TAFA1: variants seen among roughly 807,000 people sequenced by gnomAD.
The protein encoded by TAFA1 is TAFA chemokine like family member 1, also known as chemokine-like protein TAFA-1.
In TAFA1, 4 loss-of-function variants were observed where a neutral mutation model predicts 18.5. The observed-to-expected ratio is 0.22, with a 90% confidence interval of 0.11 to 0.49. The LOEUF (loss-of-function observed/expected upper bound fraction) is 0.49, where lower values mean the gene tolerates loss of function less well. Ranked by LOEUF, TAFA1 falls within the 20% of genes least tolerant of loss-of-function variation. The pLI, the probability that TAFA1 is intolerant of heterozygous loss-of-function variation, is 0.98. For missense variants in TAFA1, 147 were observed against 169.0 expected (o/e 0.87, Z 0.72); for synonymous variants, 56 against 55.2 (o/e 1.01, Z -0.06).
At chr3:68,428,043 A>G (rs1055891872) in intron 3 of TAFA1, among the ~76,000 whole-genome samples, 7 of 151,992 alleles carry the variant, frequency 4.6e-5, no homozygotes, top group Non-Finnish European at 7.4e-5. Context: ...TAGGACTATG[A>G]AAATGGACTA....
chr3:68,478,925 T>TATAC (rs2072159250), intron 3 of TAFA1, among the ~76,000 whole-genome samples: 1 of 149,126 alleles, frequency 6.7e-6, no homozygotes, highest in Admixed American at 6.7e-5. Context: ...TGTATATATA[T>TATAC]ATATATACAT....
At chr3:68,301,692 G>A (rs949093167) in intron 2 of TAFA1, among the ~76,000 whole-genome samples, 10 of 152,122 alleles carry the variant, frequency 6.6e-5, no homozygotes, top group African/African-American at 2.4e-4. Flanking sequence ...TTAAGATAAT[G>A]AGGTCATAAC....
chr3:68,349,339 A>C (rs1005686129), intron 2 of TAFA1, among the ~76,000 whole-genome samples: 1 of 152,060 alleles, frequency 6.6e-6, no homozygotes, highest in Non-Finnish European at 1.5e-5. Context: ...ATCACAGCAC[A>C]TAAGTCCCCA....
intron 3 of TAFA1, among the ~76,000 whole-genome samples, chr3:68,516,171 G>C (rs1559701518): frequency 6.6e-6 from 1 of 152,152 alleles, no homozygotes; most frequent in African/African-American, 2.4e-5. Context: ...AATATTGTAG[G>C]TTGCTCATCC....
At position 68,077,969 on chromosome 3, in the gene TAFA1, A is replaced by G. The variant is rs570059566; in HGVS notation, c.118+71225A>G. Among the ~76,000 whole-genome samples, 5 of 152,066 alleles carry G rather than the reference A, an allele frequency of 3.3e-5. No homozygotes were observed. The South Asian group carries it at 8.3e-4, about 25-fold the overall frequency. ...ATGGAATCTTCTTCCATTTGTTTGT[A>G]TCCTCTTTTATTTCATTGAGCAGTG... is the stretch of plus-strand genomic sequence containing the variant. On this transcript the variant is annotated intron_variant, in intron 2 of 4. Transcript: ENST00000478136.
At chr3:68,207,895 G>T (rs1176070269) in intron 2 of TAFA1, among the ~76,000 whole-genome samples, 3 of 151,778 alleles carry the variant, frequency 2.0e-5, no homozygotes, top group South Asian at 2.1e-4. Flanking sequence ...AGTAAATAAA[G>T]AACGCTTCCT....
intron 3 of TAFA1, among the ~76,000 whole-genome samples, chr3:68,456,905 C>G (rs2071677270): frequency 6.6e-6 from 1 of 152,170 alleles, no homozygotes. Flanking sequence ...TGAATTTTCT[C>G]TGTTTCCTAG....
At chr3:68,541,586 T>TAA (rs201474420) in intron 4 of TAFA1, among the ~76,000 whole-genome samples, 2 of 145,570 alleles carry the variant, frequency 1.4e-5, no homozygotes, top group African/African-American at 5.0e-5. Context: ...ATCAAAGAGG[T>TAA]AAAAAAAAAA....
At chr3:68,185,625 C>T (rs1384922410) in intron 2 of TAFA1, among the ~76,000 whole-genome samples, 1 of 152,002 alleles carries the variant, frequency 6.6e-6, no homozygotes, top group Non-Finnish European at 1.5e-5. Context: ...TTAAAATGAA[C>T]TATTACAGGT....
chr3:68,311,970 G>C (rs554012200), intron 2 of TAFA1, among the ~76,000 whole-genome samples: 85 of 152,326 alleles, frequency 5.6e-4, no homozygotes, highest in African/African-American at 1.9e-3. Flanking sequence ...CATCTGAAAT[G>C]TAGATGGAGG....
At chr3:68,301,569 G>A (rs888543597) in intron 2 of TAFA1, among the ~76,000 whole-genome samples, 2 of 152,134 alleles carry the variant, frequency 1.3e-5, no homozygotes, top group African/African-American at 2.4e-5. Context: ...GAGTAAAGTG[G>A]CCCCCTGTCT....
At chr3:68,324,377 T>A (rs1165749500) in intron 2 of TAFA1, among the ~76,000 whole-genome samples, 1 of 152,184 alleles carries the variant, frequency 6.6e-6, no homozygotes, top group East Asian at 1.9e-4. Flanking sequence ...CAAAATATGT[T>A]TGAAAATTCT....
chr3:68,382,336 T>C (rs915184923), intron 2 of TAFA1, among the ~76,000 whole-genome samples: 22 of 152,194 alleles, frequency 1.4e-4, no homozygotes, highest in Non-Finnish European at 3.1e-4. Context: ...TTGATTGGAA[T>C]AGTTTCAGAA....
chr3:68,219,360 C>T (rs1203336951), intron 2 of TAFA1, among the ~76,000 whole-genome samples: 2 of 152,104 alleles, frequency 1.3e-5, no homozygotes, highest in Admixed American at 1.3e-4. Context: ...CATTATTGAA[C>T]TGAATATCAA....
intron 2 of TAFA1, among the ~76,000 whole-genome samples, chr3:68,171,168 G>T (rs185306062): frequency 6.6e-6 from 1 of 152,112 alleles, no homozygotes; most frequent in African/African-American, 2.4e-5. Flanking sequence ...AATCACAAAG[G>T]TTCTTTAAAT....
chr3:68,417,419 T>A lies in TAFA1; in HGVS notation c.258T>A (p.Asp86Glu). The A allele has an allele frequency of 1.2e-6, 2 of 1,613,554 alleles. No individual in the cohort carries two copies. The highest frequency in any genetic ancestry group is 1.7e-6 in the Non-Finnish European group (2 of 1,179,626). Reference sequence around the variant, plus strand: ...CAAGAAACCGGCCTTCTTGCGTCGATGGTAGGTACCTGGTTTTACCTCTTG... The same window carrying A: ...CAAGAAACCGGCCTTCTTGCGTCGAAGGTAGGTACCTGGTTTTACCTCTTG... ...GTTRNRPSCV[D>E]ASIVIGKWWC... Residue 86 changes from aspartate (D) to glutamate (E), a missense_variant and splice_region_variant, in exon 3 of 5, where the codon GAT becomes GAA. Transcript: ENST00000478136.
chr3:67,994,830 T>C, the TAFA1 span, among the ~76,000 whole-genome samples: 4 of 152,332 alleles, frequency 2.6e-5, no homozygotes, highest in African/African-American at 4.8e-5. Context: ...TGGCCCAAAC[T>C]GACTTTTGTT....
intron 2 of TAFA1, among the ~76,000 whole-genome samples, chr3:68,242,707 G>C (rs1010582186): frequency 6.6e-6 from 1 of 152,032 alleles, no homozygotes; most frequent in African/African-American, 2.4e-5. Flanking sequence ...ATTAAGTGCA[G>C]GCATATATTG....
At chr3:68,173,998 A>G (rs2066092102) in intron 2 of TAFA1, among the ~76,000 whole-genome samples, 1 of 152,238 alleles carries the variant, frequency 6.6e-6, no homozygotes, top group Admixed American at 6.5e-5. Flanking sequence ...TGAATGTTAT[A>G]AAAACAGTGC....
Sources: gnomAD v4.1 joint callset for allele counts (sites outside exome capture counted in the v4.1 genomes callset) on GRCh38, gnomAD v4.1.1 for gene constraint, MANE v1.5 for transcripts, NCBI Gene and HGNC (gene_info 2026-07-23, HGNC 2026-07-21) for gene names.